Variants in CLVS1 observed in about 807,000 individuals in gnomAD.
The protein encoded by CLVS1 is clavesin 1.
Under a neutral mutation model 33.1 loss-of-function variants are expected in CLVS1, and 10 were observed. That is an observed-to-expected ratio of 0.30 (90% CI 0.19 to 0.51). The LOEUF (loss-of-function observed/expected upper bound fraction) is 0.51, where lower values mean the gene tolerates loss of function less well. CLVS1 is among the 20% of genes least tolerant of loss of function. The pLI, the probability that CLVS1 is intolerant of heterozygous loss-of-function variation, is 0.97. For synonymous variants in CLVS1, 163 were observed against 166.1 expected (o/e 0.98, Z 0.14); for missense variants, 343 against 433.4 (o/e 0.79, Z 1.85).
chr8:60,989,442 G>A, the CLVS1 span, among the ~76,000 whole-genome samples: 1 of 152,152 alleles, frequency 6.6e-6, no homozygotes, highest in African/African-American at 2.4e-5. Flanking sequence ...CTCCCAAAGT[G>A]CAGATTCTTA....
At chr8:61,039,697 CGCCT>C in the CLVS1 span, among the ~76,000 whole-genome samples, 1 of 147,438 alleles carries the variant, frequency 6.8e-6, no homozygotes, top group Admixed American at 6.7e-5. Context: ...TGCACCACCA[CGCCT>C]GTCTAATTTT....
intron 2 of CLVS1, among the ~76,000 whole-genome samples, chr8:61,138,641 G>C (rs1366935638): frequency 1.3e-5 from 2 of 151,348 alleles, no homozygotes; most frequent in East Asian, 3.9e-4. Context: ...AGGGTGGGGG[G>C]ATAGGGGTCC....
chr8:61,300,251 T>C lies in CLVS1; in HGVS notation c.424T>C (p.Leu142=). The stretch of plus-strand genomic sequence containing the variant: ...AGACCATTACGGCAGGAAGATTCTT[T>C]TGCTGTTTGCAGCCAATTGGGATCA... ...NRDHYGRKIL[L]LFAANWDQSR... is the part of the protein sequence containing the mutation. The change falls in exon 2 of 6, where the codon TTG becomes CTG. Residue 142 remains leucine (L), a synonymous_variant. Coordinates refer to ENST00000325897, the MANE Select transcript of CLVS1 (RefSeq NM_173519.3). 6.2e-7 allele frequency: 1 copy of C among 1,613,816 alleles called. No individual in the cohort carries two copies. The highest frequency in any genetic ancestry group is 8.5e-7 in the Non-Finnish European group (1 of 1,179,894).
intron 3 of CLVS1, among the ~76,000 whole-genome samples, chr8:61,411,181 T>G (rs1489518331): frequency 6.6e-6 from 1 of 152,086 alleles, no homozygotes; most frequent in Non-Finnish European, 1.5e-5. Flanking sequence ...CAAGAATGTG[T>G]GTAGGAGAAA....
chr8:61,390,434 C>T (rs1031810196), intron 3 of CLVS1, among the ~76,000 whole-genome samples: 1 of 152,178 alleles, frequency 6.6e-6, no homozygotes, highest in Non-Finnish European at 1.5e-5. Flanking sequence ...CAGGAGTTAA[C>T]TCCTTAGGAT....
upstream of CLVS1, among the ~76,000 whole-genome samples, chr8:61,285,357 G>A (rs1809755759): frequency 6.6e-6 from 1 of 152,140 alleles, no homozygotes; most frequent in East Asian, 1.9e-4. Flanking sequence ...CCTTTGCACA[G>A]AACAGATTAG....
At chr8:60,993,894 T>C in the CLVS1 span, among the ~76,000 whole-genome samples, 358 of 152,326 alleles carry the variant, frequency 2.4e-3, 2 homozygotes, top group African/African-American at 8.3e-3. Context: ...AGTCAGAAGA[T>C]GTGTTTTTAT....
chr8:61,246,716 T>C (rs1026825703), intron 2 of CLVS1, among the ~76,000 whole-genome samples: 2 of 152,156 alleles, frequency 1.3e-5, no homozygotes, highest in African/African-American at 4.8e-5. Flanking sequence ...ACTCTTCCAG[T>C]TTTTGTTTGT....
chr8:60,976,079 C>T, the CLVS1 span, among the ~76,000 whole-genome samples: 1 of 152,166 alleles, frequency 6.6e-6, no homozygotes, highest in Non-Finnish European at 1.5e-5. Context: ...TCATTGAGTG[C>T]CATCACTTTG....
rs771330296 is a variant in CLVS1 at position 61,499,565 on chromosome 8, C to T, written c.*23C>T. 3 of 1,588,576 alleles carry T rather than the reference C, an allele frequency of 1.9e-6. No homozygotes were observed. The highest frequency in any genetic ancestry group is 2.6e-6 in the Non-Finnish European group (3 of 1,157,104). ...TGAACCCTGAGTCACCCCAATGCTC[C>T]TGCACACTGGCCTTCAGTGGTATCA... On this transcript the variant is annotated 3_prime_UTR_variant, in exon 6 of 6. Coordinates refer to ENST00000325897, the MANE Select transcript of CLVS1 (RefSeq NM_173519.3).
chr8:61,148,196 T>G (rs571188410), intron 2 of CLVS1, among the ~76,000 whole-genome samples: 15 of 152,364 alleles, frequency 9.8e-5, no homozygotes, highest in Non-Finnish European at 2.2e-4. Flanking sequence ...TCTTGCATAT[T>G]TCTCACTTAT....
intron 5 of CLVS1, among the ~76,000 whole-genome samples, chr8:61,475,768 T>C (rs899372240): frequency 6.6e-6 from 1 of 152,238 alleles, no homozygotes; most frequent in Admixed American, 6.5e-5. Flanking sequence ...CTGATGGTAG[T>C]TTCTTTTGCT....
the CLVS1 span, among the ~76,000 whole-genome samples, chr8:60,997,850 G>A: frequency 6.6e-6 from 1 of 152,182 alleles, no homozygotes; most frequent in African/African-American, 2.4e-5. Flanking sequence ...GGATCACCTT[G>A]AATAACTAAT....
the CLVS1 span, among the ~76,000 whole-genome samples, chr8:61,049,903 A>AATTGTTG: frequency 6.6e-6 from 1 of 152,248 alleles, no homozygotes; most frequent in Non-Finnish European, 1.5e-5. Flanking sequence ...CTAAGCTGCA[A>AATTGTTG]CAATGGCAAT....
At chr8:61,175,987 G>T (rs1021026146) in intron 2 of CLVS1, among the ~76,000 whole-genome samples, 4 of 152,130 alleles carry the variant, frequency 2.6e-5, no homozygotes, top group African/African-American at 7.2e-5. Flanking sequence ...TTCCTGACTT[G>T]CCAACTTTCT....
chr8:61,068,237 A>G (rs1305514833), intron 1 of CLVS1, among the ~76,000 whole-genome samples: 1 of 146,712 alleles, frequency 6.8e-6, no homozygotes, highest in African/African-American at 2.5e-5. Context: ...GTGTATATAT[A>G]TATATATATA....
intron 2 of CLVS1, among the ~76,000 whole-genome samples, chr8:61,135,835 G>C (rs574732221): frequency 6.6e-6 from 1 of 152,322 alleles, no homozygotes; most frequent in African/African-American, 2.4e-5. Flanking sequence ...GCCTCTAGTA[G>C]AGATGCATTC....
chr8:61,070,118 C>T (rs954778890), intron 1 of CLVS1, among the ~76,000 whole-genome samples: 1 of 152,118 alleles, frequency 6.6e-6, no homozygotes, highest in African/African-American at 2.4e-5. Context: ...TGAATGGCTC[C>T]TTTTATCTCC....
chr8:61,064,698 G>A (rs1804643948), intron 1 of CLVS1, among the ~76,000 whole-genome samples: 1 of 150,816 alleles, frequency 6.6e-6, no homozygotes, highest in Admixed American at 6.6e-5. Flanking sequence ...CTGCCACCAC[G>A]TCCAGCTAAT....
Sources: gnomAD v4.1 joint callset for allele counts (sites outside exome capture counted in the v4.1 genomes callset) on GRCh38, gnomAD v4.1.1 for gene constraint, MANE v1.5 for transcripts, NCBI Gene and HGNC (gene_info 2026-07-23, HGNC 2026-07-21) for gene names.